POMK: variants seen among roughly 807,000 people sequenced by gnomAD.
The protein encoded by POMK is protein O-mannose kinase, also known as Sugen kinase 196.
In POMK, 19 loss-of-function variants were observed where a neutral mutation model predicts 23.0. The ratio of observed to expected loss-of-function variants is 0.83; its 90% CI spans 0.58 to 1.21. The LOEUF is 1.21. POMK is among the 50% of genes most tolerant of loss of function. POMK has a pLI of 0.00. For missense variants in POMK, 410 were observed against 431.3 expected, an observed-to-expected ratio of 0.95 and a Z score of 0.44; for synonymous variants, 173 against 171.6, an observed-to-expected ratio of 1.01 and a Z score of -0.06.
intron 4 of POMK, among the ~76,000 whole-genome samples, chr8:43,115,835 C>T (rs1257666768): frequency 6.6e-6 from 1 of 152,198 alleles, no homozygotes; most frequent in Non-Finnish European, 1.5e-5. Flanking sequence ...GACTTAACAG[C>T]CTCCCTCCAG....
rs1811463957 is a variant in POMK, at chr8:43,102,490, G to C, written c.-117-15G>C. The C allele has an allele frequency of 6.6e-6, 1 of 152,318 alleles. No individual in the cohort carries two copies. Among genetic ancestry groups the C allele is most frequent in the Non-Finnish European group, 1.5e-5 (1 of 68,148 alleles). 9.4% of individuals were successfully genotyped at this position (152,318 alleles called of 1,614,324 possible). ...GTTTCTGTTTACACACTTCCTGTTTGGTACTTTGTGGCAGGGTGTTTCCCG... is the reference window on the plus strand; with the variant it reads ...GTTTCTGTTTACACACTTCCTGTTTCGTACTTTGTGGCAGGGTGTTTCCCG... On this transcript the variant is annotated splice_polypyrimidine_tract_variant and intron_variant, in intron 2 of 4. Coordinates refer to ENST00000331373, the MANE Select transcript of POMK (RefSeq NM_032237.5).
rs575899073 is a variant in POMK at position 43,094,821 on chromosome 8, A to G, written c.-210+1258A>G. 3.3e-5 allele frequency among the ~76,000 whole-genome samples: 5 copies of G among 152,208 alleles called. No homozygotes were observed. In the South Asian group the frequency reaches 1.0e-3, roughly 32 times the overall value. ...CCTTTCTCTATCAATAAGCCTTCCTATCAGTGTCAGAAATGCTTTGCATTT... is the reference window on the plus strand; with the variant it reads ...CCTTTCTCTATCAATAAGCCTTCCTGTCAGTGTCAGAAATGCTTTGCATTT... On this transcript the variant is annotated intron_variant, in intron 1 of 4. Transcript: ENST00000331373.
intron 1 of POMK, among the ~76,000 whole-genome samples, chr8:43,096,633 A>G (rs752793708): frequency 3.9e-5 from 6 of 151,982 alleles, no homozygotes; most frequent in Admixed American, 6.6e-5. Context: ...AGATTGTGCT[A>G]TAGCACTCCA....
At chr8:43,109,667 C>A (rs1381174947) in intron 4 of POMK, among the ~76,000 whole-genome samples, 1 of 152,044 alleles carries the variant, frequency 6.6e-6, no homozygotes, top group Admixed American at 6.6e-5. Context: ...CTCAGCCTCC[C>A]GAGTAGCTGG....
intron 4 of POMK, among the ~76,000 whole-genome samples, chr8:43,107,469 G>C (rs1434890622): frequency 6.6e-6 from 1 of 152,042 alleles, no homozygotes; most frequent in Non-Finnish European, 1.5e-5. Flanking sequence ...CCGCCTCCCG[G>C]GTTCAAGCAG....
chr8:43,094,849 G>A (rs948642678), intron 1 of POMK, among the ~76,000 whole-genome samples: 9 of 152,154 alleles, frequency 5.9e-5, no homozygotes, highest in Non-Finnish European at 1.2e-4. Flanking sequence ...TTGCATTTCA[G>A]TCGTGCCTGA....
At chr8:43,098,774 AT>A (rs1412649878) in intron 2 of POMK, among the ~76,000 whole-genome samples, 2 of 152,016 alleles carry the variant, frequency 1.3e-5, no homozygotes, top group Non-Finnish European at 2.9e-5. Flanking sequence ...GTTGTTACTG[AT>A]TTTTGTATTA....
chr8:43,115,849 T>C (rs575690802), intron 4 of POMK, among the ~76,000 whole-genome samples: 1 of 152,164 alleles, frequency 6.6e-6, no homozygotes, highest in East Asian at 1.9e-4. Flanking sequence ...CCTCCAGCTC[T>C]CTCCTGCTCC....
At chr8:43,109,904 A>G (rs1488439996) in intron 4 of POMK, among the ~76,000 whole-genome samples, 3 of 152,342 alleles carry the variant, frequency 2.0e-5, no homozygotes, top group East Asian at 1.9e-4. Flanking sequence ...TTTTCTTAGA[A>G]CAAAACTGTT....
chr8:43,108,423 T>A lies in POMK; in HGVS notation c.282+4593T>A, dbSNP rs988916517. Reference sequence around the variant, plus strand: ...TAACTGTATTGCCATAAATTAAGAATACTCACAAATAGTTTTTAAATTCTG... The same window carrying A: ...TAACTGTATTGCCATAAATTAAGAAAACTCACAAATAGTTTTTAAATTCTG... On this transcript the variant is annotated intron_variant, in intron 4 of 4. Transcript: ENST00000331373. Among the ~76,000 whole-genome samples, 103 of 152,350 alleles carry A rather than the reference T, an allele frequency of 6.8e-4. 1 individual carries two copies. The highest frequency in any genetic ancestry group is 2.4e-3 in the African/African-American group (101 of 41,572).
In POMK at chr8:43,112,878, A is replaced by C. The variant is rs967830695; in HGVS notation, c.282+9048A>C. Among the ~76,000 whole-genome samples the C allele has an allele frequency of 2.6e-3, 402 of 152,318 alleles. 3 individuals carry two copies. Among genetic ancestry groups the C allele is most frequent in the East Asian group, 0.012 (63 of 5,194 alleles). The stretch of plus-strand genomic sequence containing the variant: ...CAAGCAAATGCTGAGAGATTTTGTC[A>C]CCACCAGGCCTGCCCTAAAAGAGCT... On this transcript the variant is annotated intron_variant, in intron 4 of 4. Coordinates refer to ENST00000331373, the MANE Select transcript of POMK (RefSeq NM_032237.5).
At chr8:43,098,884 G>A (rs1811385058) in intron 2 of POMK, among the ~76,000 whole-genome samples, 1 of 152,210 alleles carries the variant, frequency 6.6e-6, no homozygotes, top group African/African-American at 2.4e-5. Context: ...GTATGTGCCT[G>A]TTGGCCATCT....
intron 4 of POMK, among the ~76,000 whole-genome samples, chr8:43,111,881 TAACA>T (rs956946013): frequency 2.6e-5 from 4 of 151,884 alleles, no homozygotes; most frequent in Admixed American, 2.0e-4. Context: ...GAAGGAAAAC[TAACA>T]AACAGGACGT....
chr8:43,117,595 A>C (rs767913905), intron 4 of POMK, among the ~76,000 whole-genome samples: 4 of 152,242 alleles, frequency 2.6e-5, no homozygotes, highest in Non-Finnish European at 5.9e-5. Context: ...AATAAGCACA[A>C]GGCAGACAAC....
rs1301789859 is a variant in POMK, at chr8:43,097,548, A to G, written c.-185A>G. On this transcript the variant is annotated 5_prime_UTR_variant, in exon 2 of 5. Coordinates refer to ENST00000331373, the MANE Select transcript of POMK (RefSeq NM_032237.5). ...GAAAAAGGATCCTGTTTGCTGTGTAATCCTGAGAATGGACTGCAAGAGAGG... is the reference window on the plus strand; with the variant it reads ...GAAAAAGGATCCTGTTTGCTGTGTAGTCCTGAGAATGGACTGCAAGAGAGG... 1 of 152,156 alleles carries G rather than the reference A, an allele frequency of 6.6e-6. No individual in the cohort carries two copies. The highest frequency in any genetic ancestry group is 1.5e-5 in the Non-Finnish European group (1 of 68,032). The allele number at this position is 152,156 out of a possible 1,614,324, so 9.4% of individuals were successfully genotyped here.
At chr8:43,106,277 G>A (rs1373659940) in intron 4 of POMK, among the ~76,000 whole-genome samples, 2 of 151,906 alleles carry the variant, frequency 1.3e-5, no homozygotes, top group Admixed American at 6.6e-5. Flanking sequence ...AAATTTATTG[G>A]CCATTTGTAT....
chr8:43,096,315 TG>T (rs555624457), intron 1 of POMK, among the ~76,000 whole-genome samples: 3 of 151,806 alleles, frequency 2.0e-5, no homozygotes, highest in Non-Finnish European at 4.4e-5. Context: ...GTGGGCCGAG[TG>T]GGGGGCTGTT....
intron 4 of POMK, 122 bp from the exon 5 acceptor site, chr8:43,121,985 C>G (rs1811926179): frequency 1.1e-6 from 1 of 945,618 alleles, no homozygotes; most frequent in East Asian, 2.4e-5. Flanking sequence ...ACGATGGGGT[C>G]TGCACCTTGT....
At chr8:43,101,739 A>T (rs1164367525) in intron 2 of POMK, among the ~76,000 whole-genome samples, 1 of 152,202 alleles carries the variant, frequency 6.6e-6, no homozygotes, top group Non-Finnish European at 1.5e-5. Flanking sequence ...TAAGACTTCA[A>T]ACTGCAAAAT....
Sources: allele counts gnomAD v4.1 joint callset (sites outside exome capture counted in the v4.1 genomes callset), GRCh38; gene constraint gnomAD v4.1.1; transcripts MANE v1.5; gene names NCBI Gene and HGNC (gene_info 2026-07-23, HGNC 2026-07-21).